The following ADAMTSL3 variants were observed in gnomAD, a reference collection of about 807,000 sequenced individuals.
ADAMTSL3 encodes the protein ADAMTS-like protein 3.
In ADAMTSL3, 128 loss-of-function variants were observed where a neutral mutation model predicts 201.7. The ratio of observed to expected loss-of-function variants is 0.63; its 90% confidence interval spans 0.55 to 0.73. The LOEUF is 0.73. Ranked by LOEUF, ADAMTSL3 falls within the 30% of genes least tolerant of loss-of-function variation. The pLI is 0.00. For missense variants in ADAMTSL3, 1,990 were observed against 2,119.6 expected (o/e 0.94, Z 1.20); for synonymous variants, 738 against 748.4 (o/e 0.99, Z 0.23).
chr15:83,937,466 C>T (rs188287213), intron 17 of ADAMTSL3, among the ~76,000 whole-genome samples: 4 of 150,546 alleles, frequency 2.7e-5, no homozygotes, highest in East Asian at 3.9e-4. Context: ...ATTGAGAATA[C>T]ATCAACACAA....
intron 3 of ADAMTSL3, among the ~76,000 whole-genome samples, chr15:83,735,797 C>A (rs767217985): frequency 5.9e-5 from 9 of 151,876 alleles, no homozygotes; most frequent in Non-Finnish European, 1.2e-4. Flanking sequence ...AAAGAGGAAG[C>A]CCCACGTTTA....
intron 3 of ADAMTSL3, among the ~76,000 whole-genome samples, chr15:83,733,931 G>T (rs374336097): frequency 5.9e-5 from 9 of 152,242 alleles, no homozygotes; most frequent in East Asian, 3.9e-4. Flanking sequence ...CTTCCCACTG[G>T]ATAGACATCT....
At chr15:83,694,110 C>G (rs1159098952) in intron 2 of ADAMTSL3, among the ~76,000 whole-genome samples, 1 of 152,162 alleles carries the variant, frequency 6.6e-6, no homozygotes, top group Admixed American at 6.5e-5. Flanking sequence ...AGAGCATGTT[C>G]TTCTTCAACA....
chr15:83,809,285 A>C (rs2063655050), intron 5 of ADAMTSL3, among the ~76,000 whole-genome samples: 1 of 152,184 alleles, frequency 6.6e-6, no homozygotes, highest in South Asian at 2.1e-4. Flanking sequence ...TAAGGAGTTG[A>C]AAGAAAACTG....
intron 17 of ADAMTSL3, among the ~76,000 whole-genome samples, chr15:83,930,748 T>TG (rs1300379846): frequency 2.6e-5 from 4 of 152,172 alleles, no homozygotes; most frequent in African/African-American, 4.8e-5. Flanking sequence ...AGAGTTATAT[T>TG]GGAAAAAAAC....
intron 26 of ADAMTSL3, among the ~76,000 whole-genome samples, chr15:84,022,426 A>G (rs2068220994): frequency 6.6e-6 from 1 of 152,250 alleles, no homozygotes; most frequent in Admixed American, 6.5e-5. Context: ...TGAAAAATTG[A>G]TTATAAAGTG....
intron 4 of ADAMTSL3, among the ~76,000 whole-genome samples, chr15:83,783,137 ATTT>A (rs2063203700): frequency 9.5e-6 from 1 of 105,536 alleles, no homozygotes; most frequent in Admixed American, 1.1e-4. Context: ...AGTAAAATTA[ATTT>A]AAAGTGTTCA....
chr15:84,021,161 C>T (rs1021043655), intron 25 of ADAMTSL3, among the ~76,000 whole-genome samples: 28 of 152,230 alleles, frequency 1.8e-4, no homozygotes, highest in African/African-American at 6.5e-4. Context: ...CCCAGCTGGC[C>T]GATGATAGTC....
chr15:83,678,840 A>T (rs1466859064), intron 2 of ADAMTSL3, among the ~76,000 whole-genome samples: 2 of 145,692 alleles, frequency 1.4e-5, no homozygotes, highest in Admixed American at 1.4e-4. Context: ...ATATAAATAT[A>T]TATATAAAAT....
chr15:83,988,603 G>A (rs2067524908), intron 21 of ADAMTSL3, 88 bp from the exon 22 acceptor site: 5 of 1,202,978 alleles, frequency 4.2e-6, no homozygotes, highest in Non-Finnish European at 5.6e-6. Context: ...AGCCTGTAAT[G>A]GTGCAGTCTT....
chr15:83,950,193 G>A (rs1483504146), intron 19 of ADAMTSL3, among the ~76,000 whole-genome samples: 1 of 152,122 alleles, frequency 6.6e-6, no homozygotes, highest in Non-Finnish European at 1.5e-5. Context: ...TATATTAAGA[G>A]AGAGGGGTCT....
chr15:83,825,473 TG>T (rs1390551702), intron 6 of ADAMTSL3, among the ~76,000 whole-genome samples: 2 of 151,924 alleles, frequency 1.3e-5, no homozygotes, highest in African/African-American at 4.8e-5. Flanking sequence ...ATTAGCTGGG[TG>T]TGTTGGCGCA....
intron 7 of ADAMTSL3, among the ~76,000 whole-genome samples, chr15:83,848,687 G>C: frequency 6.6e-6 from 1 of 152,218 alleles, no homozygotes; most frequent in South Asian, 2.1e-4. Flanking sequence ...TAGGAGCACC[G>C]TGATCTTGGG....
intron 23 of ADAMTSL3, among the ~76,000 whole-genome samples, chr15:83,997,284 T>C (rs1400588009): frequency 6.6e-6 from 1 of 152,132 alleles, no homozygotes; most frequent in East Asian, 1.9e-4. Context: ...TAATCCTTTA[T>C]TGCTTAAAAA....
At chr15:84,010,789 G>T (rs2067993795) in intron 23 of ADAMTSL3, among the ~76,000 whole-genome samples, 1 of 152,126 alleles carries the variant, frequency 6.6e-6, no homozygotes, top group Admixed American at 6.6e-5. Context: ...AGGTGATCCA[G>T]GTAATACATT....
chr15:84,017,266 C>T (rs559510643), intron 25 of ADAMTSL3, among the ~76,000 whole-genome samples: 23 of 152,190 alleles, frequency 1.5e-4, no homozygotes, highest in African/African-American at 3.4e-4. Context: ...TACAGCCACC[C>T]GCCACCACGC....
intron 6 of ADAMTSL3, among the ~76,000 whole-genome samples, chr15:83,837,851 AG>A (rs1229376483): frequency 6.6e-6 from 1 of 151,290 alleles, no homozygotes; most frequent in South Asian, 2.1e-4. Context: ...TAGAAAAGGG[AG>A]GGGTATGGAG....
chr15:83,784,024 G>C (rs943305179), intron 4 of ADAMTSL3, among the ~76,000 whole-genome samples: 1 of 152,052 alleles, frequency 6.6e-6, no homozygotes, highest in Admixed American at 6.6e-5. Flanking sequence ...TGTTATTATG[G>C]GGACTGAATA....
intron 3 of ADAMTSL3, among the ~76,000 whole-genome samples, chr15:83,729,836 C>T (rs2062236964): frequency 6.6e-6 from 1 of 151,962 alleles, no homozygotes; most frequent in Non-Finnish European, 1.5e-5. Flanking sequence ...AGTATCTGGG[C>T]ATTGAAGAGT....
Sources: gnomAD v4.1 joint callset for allele counts (sites outside exome capture counted in the v4.1 genomes callset) on GRCh38, gnomAD v4.1.1 for gene constraint, MANE v1.5 for transcripts, NCBI Gene and HGNC (gene_info 2026-07-23, HGNC 2026-07-21) for gene names.